The following GABRB3 variants were observed in gnomAD, a reference collection of about 807,000 sequenced individuals.
GABRB3 encodes gamma-aminobutyric acid type A receptor subunit beta3, also known as gamma-aminobutyric acid receptor subunit beta-3.
Under a neutral mutation model 52.1 loss-of-function variants are expected in GABRB3, and 14 were observed. That is an observed-to-expected ratio of 0.27 (90% confidence interval 0.18 to 0.42). GABRB3 has a LOEUF of 0.42. Ranked by LOEUF, GABRB3 falls within the 10% of genes least tolerant of loss-of-function variation. The pLI is 1.00. For missense variants in GABRB3, 307 were observed against 609.1 expected (o/e 0.50, Z 5.22); for synonymous variants, 260 against 232.3 (o/e 1.12, Z -1.08).
At chr15:26,606,186 G>A (rs1240466437) in intron 4 of GABRB3, among the ~76,000 whole-genome samples, 1 of 150,666 alleles carries the variant, frequency 6.6e-6, no homozygotes. Context: ...TATTAGGTGG[G>A]GATGGTTAAT....
At chr15:26,769,872 A>C (rs1053860407) in intron 3 of GABRB3, among the ~76,000 whole-genome samples, 1 of 152,152 alleles carries the variant, frequency 6.6e-6, no homozygotes, top group African/African-American at 2.4e-5. Flanking sequence ...TAAGAGTTAC[A>C]ACACACTTAA....
At chr15:26,595,754 C>A (rs1012847635) in intron 4 of GABRB3, among the ~76,000 whole-genome samples, 5 of 152,100 alleles carry the variant, frequency 3.3e-5, no homozygotes, top group African/African-American at 1.2e-4. Context: ...CTACTGTTAC[C>A]ATAAATCTTG....
At position 26,772,785 on chromosome 15, in the gene GABRB3, CG is replaced by C; in HGVS notation, c.81-14del. The C allele has an allele frequency of 1.4e-6, 2 of 1,439,902 alleles. No homozygotes were observed. Among genetic ancestry groups the C allele is most frequent in the East Asian group, 3.3e-5 (1 of 29,970 alleles). The allele number at this position is 1,439,902 out of a possible 1,614,324, so 89.2% of individuals were successfully genotyped here. On this transcript the variant is annotated splice_polypyrimidine_tract_variant and intron_variant, in intron 1 of 8. Coordinates refer to ENST00000311550, the MANE Select transcript of GABRB3 (RefSeq NM_000814.6). Reference sequence around the variant, plus strand: ...GGGATCGTTCACACTGGGGGAGGGACGGGGAGCACAAAGAGCGGGGTCAGGG... The same window carrying C: ...GGGATCGTTCACACTGGGGGAGGGACGGGAGCACAAAGAGCGGGGTCAGGG...
intron 3 of GABRB3, among the ~76,000 whole-genome samples, chr15:26,770,825 G>C (rs1376983897): frequency 6.6e-6 from 1 of 151,840 alleles, no homozygotes; most frequent in Non-Finnish European, 1.5e-5. Flanking sequence ...GTATTAACTT[G>C]TTTCCTTATA....
At chr15:26,646,848 G>A (rs1376712738) in intron 3 of GABRB3, among the ~76,000 whole-genome samples, 2 of 151,924 alleles carry the variant, frequency 1.3e-5, no homozygotes, top group East Asian at 3.9e-4. Flanking sequence ...CTTCTTTTTT[G>A]TTTGTTTGTT....
intron 4 of GABRB3, chr15:26,615,131 T>C (rs1281098073): frequency 2.0e-5 from 5 of 247,004 alleles, no homozygotes; most frequent in Non-Finnish European, 3.2e-5. Context: ...AAAAAGAAAG[T>C]TAGGAAAAGG....
At chr15:26,567,469 G>A in intron 7 of GABRB3, 112 bp downstream of exon 7, 4 of 983,304 alleles carry the variant, frequency 4.1e-6, no homozygotes, top group Non-Finnish European at 4.7e-6. Flanking sequence ...TACAGGCAAT[G>A]CTTGTGTCAC....
chr15:26,762,095 G>A (rs1351869544), intron 3 of GABRB3, among the ~76,000 whole-genome samples: 1 of 152,096 alleles, frequency 6.6e-6, no homozygotes, highest in Non-Finnish European at 1.5e-5. Context: ...GCCTCCCAAA[G>A]TGCTGGGATT....
chr15:26,739,638 T>C (rs1890152086), intron 3 of GABRB3, among the ~76,000 whole-genome samples: 1 of 152,186 alleles, frequency 6.6e-6, no homozygotes, highest in Non-Finnish European at 1.5e-5. Flanking sequence ...GTGTCTAGAC[T>C]ATAAATTTGG....
At chr15:26,771,596 ATCCTTC>A (rs1891145427) in intron 3 of GABRB3, among the ~76,000 whole-genome samples, 1 of 152,238 alleles carries the variant, frequency 6.6e-6, no homozygotes, top group Admixed American at 6.5e-5. Context: ...TGAAAGGGCC[ATCCTTC>A]TCCTGATTCC....
Position 26,561,182 on chromosome 15 carries a change from A to C in GABRB3, c.836-6T>G. 6.2e-7 allele frequency: 1 copy of C among 1,613,692 alleles called. No homozygotes were observed. Among genetic ancestry groups the C allele is most frequent in the Non-Finnish European group, 8.5e-7 (1 of 1,180,044 alleles). ...TGTCAGCACAGTTGTGATCCCTAGA[A>C]AAGAAACAAAGTGGTGAGAGGCTGA... On this transcript the variant is annotated splice_region_variant and splice_polypyrimidine_tract_variant and intron_variant, in intron 7 of 8. Transcript: ENST00000311550.
intron 3 of GABRB3, among the ~76,000 whole-genome samples, chr15:26,662,117 C>T (rs930565938): frequency 6.6e-6 from 1 of 152,152 alleles, no homozygotes. Flanking sequence ...GCTTTGGAAC[C>T]TGTGCAGTGC....
intron 3 of GABRB3, among the ~76,000 whole-genome samples, chr15:26,755,689 A>G (rs1890641592): frequency 6.6e-6 from 1 of 152,194 alleles, no homozygotes; most frequent in African/African-American, 2.4e-5. Context: ...GGACATTCCA[A>G]TGGGAGCCCA....
At chr15:26,647,895 C>G (rs951560812) in intron 3 of GABRB3, among the ~76,000 whole-genome samples, 1 of 152,174 alleles carries the variant, frequency 6.6e-6, no homozygotes, top group Non-Finnish European at 1.5e-5. Context: ...GGCCCACAGC[C>G]TTCTCAAAAC....
intron 3 of GABRB3, among the ~76,000 whole-genome samples, chr15:26,635,010 A>ATATATATATATATATAT (rs10676156): frequency 0.01 from 767 of 74,798 alleles, 167 homozygotes; most frequent in Middle Eastern, 0.016. Flanking sequence ...ATATATATAT[A>ATATATATATATATATAT]ATATATATAT....
intron 3 of GABRB3, among the ~76,000 whole-genome samples, chr15:26,699,575 C>G (rs1888860883): frequency 6.6e-6 from 1 of 151,102 alleles, no homozygotes; most frequent in African/African-American, 2.4e-5. Context: ...TCTCGATACT[C>G]AAAAAGTTAA....
intron 3 of GABRB3, among the ~76,000 whole-genome samples, chr15:26,722,857 T>C (rs950237448): frequency 1.2e-4 from 19 of 152,174 alleles, no homozygotes; most frequent in African/African-American, 4.1e-4. Flanking sequence ...GCTCTCCCAC[T>C]GGGTGCCTCT....
intron 7 of GABRB3, among the ~76,000 whole-genome samples, chr15:26,562,472 AC>A (rs1377766433): frequency 6.6e-6 from 1 of 152,064 alleles, no homozygotes; most frequent in Non-Finnish European, 1.5e-5. Context: ...GTAACCCAAA[AC>A]CCACATGACA....
At chr15:26,602,176 T>C (rs1891613900) in intron 4 of GABRB3, among the ~76,000 whole-genome samples, 1 of 152,124 alleles carries the variant, frequency 6.6e-6, no homozygotes. Context: ...GGTCACTATA[T>C]AATAATAAAG....
Sources: gnomAD v4.1 joint callset for allele counts (sites outside exome capture counted in the v4.1 genomes callset) on GRCh38, gnomAD v4.1.1 for gene constraint, MANE v1.5 for transcripts, NCBI Gene and HGNC (gene_info 2026-07-23, HGNC 2026-07-21) for gene names.